LOXHD1: variants seen among roughly 807,000 people sequenced by gnomAD.
The protein encoded by LOXHD1 is lipoxygenase homology domain-containing protein 1.
Under a neutral mutation model 248.2 loss-of-function variants are expected in LOXHD1, and 205 were observed. The observed-to-expected ratio is 0.83, with a 90% CI of 0.74 to 0.93. The LOEUF (loss-of-function observed/expected upper bound fraction) is 0.93, where lower values mean the gene tolerates loss of function less well. LOXHD1 is among the 40% of genes least tolerant of loss of function. The pLI is 0.00. For missense variants in LOXHD1, 2,930 were observed against 2,971.6 expected, an observed-to-expected ratio of 0.99 and a Z score of 0.33; for synonymous variants, 1,113 against 1,162.8, an observed-to-expected ratio of 0.96 and a Z score of 0.87.
intron 12 of LOXHD1, among the ~76,000 whole-genome samples, chr18:46,588,696 AC>A: frequency 6.6e-6 from 1 of 152,244 alleles, no homozygotes; most frequent in South Asian, 2.1e-4. Flanking sequence ...TGCCAGTTCC[AC>A]CTTCAAAATA....
chr18:46,594,712 A>C (rs1325865954), intron 8 of LOXHD1, among the ~76,000 whole-genome samples: 2 of 152,326 alleles, frequency 1.3e-5, no homozygotes, highest in African/African-American at 4.8e-5. Context: ...TCCTCTATAC[A>C]CAACACTCTC....
chr18:46,572,406 G>A (rs1414597323), intron 14 of LOXHD1, among the ~76,000 whole-genome samples: 2 of 152,184 alleles, frequency 1.3e-5, no homozygotes, highest in African/African-American at 2.4e-5. Flanking sequence ...TGGGTAGGAT[G>A]ATGTCACATG....
Position 46,649,409 on chromosome 18 carries a change from G to C in LOXHD1, c.131-140C>G, listed in dbSNP as rs2039078731. 1.7e-5 allele frequency: 11 copies of C among 656,930 alleles called. No individual in the cohort carries two copies. The South Asian group carries it at 2.0e-4, about 12-fold the overall frequency. 40.7% of individuals were successfully genotyped at this position (656,930 alleles called of 1,614,324 possible). A position where few individuals can be genotyped will look rare whatever the true frequency, so the allele number is the denominator to read the frequency against. ...TCCCTGCTGCATCCTGTAGGCCTCT[G>C]AGCCATGGTGAGACCCACGATATGT... is the stretch of plus-strand genomic sequence containing the variant. On this transcript the variant is annotated intron_variant, in intron 1 of 40. Transcript: ENST00000642948.
rs978414140 is a variant in LOXHD1, at chr18:46,489,009, A to C, written c.6012T>G (p.Cys2004Trp). Residue 2004 changes from cysteine (C) to tryptophan (W), a missense_variant, in exon 38 of 41, where the codon TGT becomes TGG. By Grantham distance (215) the Cys-to-Trp change is radical. Transcript: ENST00000642948. Reference protein sequence around the residue: ...GDGQTVRDFACANNKICDELE... With the variant: ...GDGQTVRDFAWANNKICDELE... Reference sequence around the variant, plus strand: ...GCTCATCACAGATCTTGTTGTTGGCACAGGCAAAGTCGCGGACCGTCTGCC... The same window carrying C: ...GCTCATCACAGATCTTGTTGTTGGCCCAGGCAAAGTCGCGGACCGTCTGCC... 1 of 1,551,674 alleles carries C rather than the reference A, an allele frequency of 6.4e-7. No homozygotes were observed. The highest frequency in any genetic ancestry group is 2.0e-5 in the Admixed American group (1 of 51,000).
chr18:46,481,826 C>A (rs1471405418), intron 40 of LOXHD1, among the ~76,000 whole-genome samples: 1 of 152,198 alleles, frequency 6.6e-6, no homozygotes, highest in Admixed American at 6.5e-5. Flanking sequence ...TACAGCTGGG[C>A]CTTTGCCTTC....
At chr18:46,570,573 C>T (rs754784918) in intron 15 of LOXHD1, among the ~76,000 whole-genome samples, 4 of 152,208 alleles carry the variant, frequency 2.6e-5, no homozygotes, top group Non-Finnish European at 4.4e-5. Context: ...GAAATGGCCT[C>T]TATTCTTGCT....
chr18:46,532,582 G>GAGTGGCC (rs2036121370), intron 28 of LOXHD1, among the ~76,000 whole-genome samples: 2 of 101,354 alleles, frequency 2.0e-5, no homozygotes, highest in Admixed American at 1.7e-4. Flanking sequence ...GAAGTACAAG[G>GAGTGGCC]AGTGGCCAGT....
chr18:46,603,908 C>T (rs984772486), intron 7 of LOXHD1, among the ~76,000 whole-genome samples, 198 bp downstream of exon 7: 6 of 152,228 alleles, frequency 3.9e-5, no homozygotes, highest in Non-Finnish European at 5.9e-5. Flanking sequence ...TTAGCAGCAT[C>T]CCCCAGGTCC....
At chr18:46,584,467 A>T (rs655140) in intron 12 of LOXHD1, among the ~76,000 whole-genome samples, 30,139 of 152,054 alleles carry the variant, frequency 0.2, 3,534 homozygotes, top group African/African-American at 0.31. Flanking sequence ...ATACAACATA[A>T]ATTTGTCTCA....
intron 12 of LOXHD1, among the ~76,000 whole-genome samples, chr18:46,582,928 G>T (rs76589671): frequency 0.012 from 1,796 of 152,240 alleles, 49 homozygotes; most frequent in East Asian, 0.079. Context: ...TTCCACCAGT[G>T]TTAAGGAAGG....
chr18:46,510,233 G>A lies in LOXHD1; in HGVS notation c.5400-418C>T, dbSNP rs150207547. On this transcript the variant is annotated intron_variant, in intron 34 of 40. Coordinates refer to ENST00000642948, the MANE Select transcript of LOXHD1 (RefSeq NM_001384474.1). Reference sequence around the variant, plus strand: ...AAAATAATTCCATATCTGAAAAGCTGTAAATGAGATTCTGTGCATGACAGG... The same window carrying A: ...AAAATAATTCCATATCTGAAAAGCTATAAATGAGATTCTGTGCATGACAGG... 6.8e-3 allele frequency among the ~76,000 whole-genome samples: 1,036 copies of A among 152,332 alleles called. 11 individuals are homozygous for A. Among genetic ancestry groups the A allele is most frequent in the African/African-American group, 0.024 (987 of 41,566 alleles).
At chr18:46,631,006 C>T (rs892429493) in intron 4 of LOXHD1, among the ~76,000 whole-genome samples, 1 of 152,152 alleles carries the variant, frequency 6.6e-6, no homozygotes, top group African/African-American at 2.4e-5. Context: ...TTGGAAAGCT[C>T]TTTCCACCCA....
chr18:46,544,631 A>C (rs1421674220), intron 23 of LOXHD1, among the ~76,000 whole-genome samples: 1 of 152,192 alleles, frequency 6.6e-6, no homozygotes, highest in African/African-American at 2.4e-5. Context: ...TCCTCATTTT[A>C]TAAATAGAGG....
chr18:46,499,494 T>C (rs533934265), intron 37 of LOXHD1, among the ~76,000 whole-genome samples: 1 of 152,178 alleles, frequency 6.6e-6, no homozygotes, highest in Non-Finnish European at 1.5e-5. Context: ...ACCTTTTGAA[T>C]GAAAATAGCT....
chr18:46,533,986 C>CT (rs2036194095), intron 27 of LOXHD1, among the ~76,000 whole-genome samples: 1 of 152,186 alleles, frequency 6.6e-6, no homozygotes, highest in Non-Finnish European at 1.5e-5. Flanking sequence ...TAGGTTTATA[C>CT]TTTTGTGGCT....
chr18:46,521,930 G>C (rs1450790207), intron 32 of LOXHD1, among the ~76,000 whole-genome samples, 171 bp downstream of exon 32: 1 of 152,162 alleles, frequency 6.6e-6, no homozygotes, highest in Non-Finnish European at 1.5e-5. Context: ...CAGAGGGGCA[G>C]GTGGCTCACC....
chr18:46,617,715 C>G (rs1013112698), intron 5 of LOXHD1, among the ~76,000 whole-genome samples: 9 of 152,212 alleles, frequency 5.9e-5, no homozygotes, highest in African/African-American at 2.2e-4. Flanking sequence ...TCAACACCTA[C>G]AGCTGTGTCT....
intron 1 of LOXHD1, among the ~76,000 whole-genome samples, chr18:46,652,385 G>A (rs1188518277): frequency 6.6e-6 from 1 of 152,166 alleles, no homozygotes; most frequent in African/African-American, 2.4e-5. Context: ...CCTCATTGAA[G>A]TTGAAAAATG....
intron 26 of LOXHD1, 44 bp downstream of exon 26, chr18:46,538,112 G>T (rs2036393868): frequency 2.7e-6 from 4 of 1,493,436 alleles, no homozygotes; most frequent in Non-Finnish European, 2.7e-6. Context: ...CTCTCCCTCT[G>T]TCTGACCTAC....
Sources: gnomAD v4.1 joint callset for allele counts (sites outside exome capture counted in the v4.1 genomes callset) on GRCh38, gnomAD v4.1.1 for gene constraint, MANE v1.5 for transcripts, NCBI Gene and HGNC (gene_info 2026-07-23, HGNC 2026-07-21) for gene names.